IL36G: variants seen among roughly 807,000 people sequenced by gnomAD.
IL36G encodes interleukin 36 gamma.
In IL36G, 10 loss-of-function variants were observed where a neutral mutation model predicts 13.5. The observed-to-expected ratio is 0.74, with a 90% CI of 0.46 to 1.26. The LOEUF (loss-of-function observed/expected upper bound fraction) is 1.26. Among genes scored for constraint, IL36G ranks in the 50% most tolerant of loss-of-function variants. The pLI is 0.00. For synonymous variants in IL36G, 84 were observed against 74.0 expected (o/e 1.13, Z -0.69); for missense variants, 199 against 203.0 (o/e 0.98, Z 0.12).
In IL36G at chr2:112,980,145, A is replaced by G; in HGVS notation, c.297A>G (p.Leu99=). Residue 99 remains leucine, a synonymous_variant, in exon 4 of 5, where the codon CTA becomes CTG. Coordinates refer to ENST00000259205, the MANE Select transcript of IL36G (RefSeq NM_019618.4). ...TTGGAGAACAGCCCACATTGCAGCTAAAAGTGAGTAGCTAAGAAAAATATT... is the reference window on the plus strand; with the variant it reads ...TTGGAGAACAGCCCACATTGCAGCTGAAAGTGAGTAGCTAAGAAAAATATT... ...EKVGEQPTLQ[L]KEQKIMDLYG... 1.2e-6 allele frequency: 2 copies of G among 1,611,740 alleles called. No homozygotes were observed. The highest frequency in any genetic ancestry group is 1.7e-6 in the Non-Finnish European group (2 of 1,179,230).
chr2:112,979,158 TG>T, intron 2 of IL36G, 62 bp from the exon 3 acceptor site: 1 of 1,089,588 alleles, frequency 9.2e-7, no homozygotes, highest in Non-Finnish European at 1.4e-6. Flanking sequence ...ACTTTTCTCC[TG>T]GGTCTAGTAA....
At chr2:112,979,858 T>A (rs910522390) in intron 3 of IL36G, 151 bp from the exon 4 acceptor site, 2 of 630,884 alleles carry the variant, frequency 3.2e-6, no homozygotes, top group Admixed American at 5.8e-5. Flanking sequence ...AATGAATGAA[T>A]GAATATGGGG....
At chr2:112,984,643 G>T (rs1044101396) in intron 4 of IL36G, among the ~76,000 whole-genome samples, 197 bp from the exon 5 acceptor site, 7 of 152,200 alleles carry the variant, frequency 4.6e-5, no homozygotes, top group African/African-American at 1.7e-4. Context: ...CTGGATTTGA[G>T]GGTGGGGGCT....
intron 4 of IL36G, chr2:112,981,229 A>G (rs1684255895): frequency 7.2e-7 from 1 of 1,382,248 alleles, no homozygotes; most frequent in Non-Finnish European, 1.0e-6. Context: ...TATTTTCTGC[A>G]GAGTTATTCC....
chr2:112,985,144 G>C lies in IL36G; in HGVS notation c.*95G>C. On this transcript the variant is annotated 3_prime_UTR_variant, in exon 5 of 5. Coordinates refer to ENST00000259205, the MANE Select transcript of IL36G (RefSeq NM_019618.4). ...TTTTCTTAGTGTCATTTTCACGCTG[G>C]TGCTGAGACAGGGGCAAGGCTGCTG... is the stretch of plus-strand genomic sequence containing the variant. 1 of 841,906 alleles carries C rather than the reference G, an allele frequency of 1.2e-6. No homozygotes were observed. Among genetic ancestry groups the C allele is most frequent in the African/African-American group, 1.7e-5 (1 of 58,834 alleles). 52.2% of individuals were successfully genotyped at this position (841,906 alleles called of 1,614,324 possible).
intron 4 of IL36G, among the ~76,000 whole-genome samples, chr2:112,984,264 G>A (rs1167706708): frequency 1.3e-5 from 2 of 152,146 alleles, no homozygotes; most frequent in African/African-American, 2.4e-5. Flanking sequence ...CAAATATATA[G>A]ACATACAGAA....
At chr2:112,982,543 A>G (rs1684282229) in intron 4 of IL36G, among the ~76,000 whole-genome samples, 1 of 152,120 alleles carries the variant, frequency 6.6e-6, no homozygotes, top group Non-Finnish European at 1.5e-5. Flanking sequence ...GGAGACTTTG[A>G]GGTGGTCTAG....
intron 4 of IL36G, chr2:112,981,500 C>T: frequency 1.8e-6 from 1 of 568,220 alleles, no homozygotes; most frequent in Non-Finnish European, 3.1e-6. Flanking sequence ...GGGTTTTGGT[C>T]AGTCTGGGGG....
In IL36G at chr2:112,979,241, A is replaced by T; in HGVS notation, c.76A>T (p.Thr26Ser). 1 of 1,607,884 alleles carries T rather than the reference A, an allele frequency of 6.2e-7. No individual in the cohort carries two copies. Among genetic ancestry groups the T allele is most frequent in the Non-Finnish European group, 8.5e-7 (1 of 1,174,322 alleles). ...ATCAGTGTGTAAACCTATTACTGGG[A>T]CTATTAATGATTTGAATCAGCAAGT... Reference protein sequence around the residue: ...YQSMCKPITGTINDLNQQVWT... With the variant: ...YQSMCKPITGSINDLNQQVWT... The change falls in exon 3 of 5, where the codon ACT becomes TCT. Residue 26 changes from threonine (T) to serine (S), a missense_variant. By Grantham distance (58) the Thr-to-Ser change is moderately conservative. Transcript: ENST00000259205.
At chr2:112,980,184 C>A in intron 4 of IL36G, 36 bp downstream of exon 4, 2 of 1,586,246 alleles carry the variant, frequency 1.3e-6, no homozygotes, top group South Asian at 2.3e-5. Flanking sequence ...AAAGCCTTTC[C>A]TTTTAGAAGT....
chr2:112,984,895 T>C lies in IL36G; in HGVS notation c.356T>C (p.Phe119Ser), dbSNP rs1230620204. The stretch of plus-strand genomic sequence containing the variant: ...CCCGAGCCCGTGAAACCCTTCCTTT[T>C]CTACCGTGCCAAGACTGGTAGGACC... The part of the protein sequence containing the change: ...GQPEPVKPFL[F>S]YRAKTGRTST... The change falls in exon 5 of 5, where the codon TTC becomes TCC. Residue 119 changes from phenylalanine (F) to serine (S), a missense_variant. Transcript: ENST00000259205. 6.2e-7 allele frequency: 1 copy of C among 1,614,184 alleles called. No individual in the cohort carries two copies.
intron 4 of IL36G, among the ~76,000 whole-genome samples, chr2:112,980,866 TGCCAA>T (rs1684249120): frequency 1.3e-5 from 2 of 152,366 alleles, no homozygotes; most frequent in Admixed American, 1.3e-4. Context: ...AAGGCTTTTC[TGCCAA>T]GGTGGCCATG....
chr2:112,984,997 C>T lies in IL36G; in HGVS notation c.458C>T (p.Ser153Leu), dbSNP rs1464038409. The T allele has an allele frequency of 1.9e-6, 3 of 1,613,994 alleles. No individual in the cohort carries two copies. Among genetic ancestry groups the T allele is most frequent in the Non-Finnish European group, 2.5e-6 (3 of 1,180,026 alleles). Residue 153 changes from serine (S) to leucine (L), a missense_variant, in exon 5 of 5, where the codon TCA becomes TTA. By Grantham distance (145) the Ser-to-Leu change is moderately radical. Transcript: ENST00000259205. ...AGAGACCAGCCCATCATTCTGACTT[C>T]AGAACTTGGGAAGTCATACAACACT... The part of the protein sequence containing the change: ...SKRDQPIILT[S>L]ELGKSYNTAF...
intron 4 of IL36G, chr2:112,981,341 G>T: frequency 1.2e-6 from 1 of 801,556 alleles, no homozygotes; most frequent in Non-Finnish European, 2.2e-6. Flanking sequence ...TGGAGGAGCA[G>T]GTTTAGCAGA....
At chr2:112,983,427 G>A (rs1306576357) in intron 4 of IL36G, among the ~76,000 whole-genome samples, 1 of 152,128 alleles carries the variant, frequency 6.6e-6, no homozygotes. Flanking sequence ...AATAACTCAG[G>A]AATATGATCG....
At position 112,985,582 on chromosome 2, in the gene IL36G, T is replaced by C. The variant is rs1336297306; in HGVS notation, c.*533T>C. 1.3e-5 allele frequency: 2 copies of C among 152,808 alleles called. No homozygotes were observed. The highest frequency in any genetic ancestry group is 2.4e-5 in the African/African-American group (1 of 41,464). 9.5% of individuals were successfully genotyped at this position (152,808 alleles called of 1,614,324 possible). On this transcript the variant is annotated 3_prime_UTR_variant, in exon 5 of 5. Transcript: ENST00000259205. ...TTAAGTTAAATCATTTTTGTCCTAATTGTAATGTGTAATCTTAAAGTTAAA... is the reference window on the plus strand; with the variant it reads ...TTAAGTTAAATCATTTTTGTCCTAACTGTAATGTGTAATCTTAAAGTTAAA...
intron 4 of IL36G, among the ~76,000 whole-genome samples, chr2:112,984,198 A>G (rs181229056): frequency 6.6e-6 from 1 of 152,374 alleles, no homozygotes; most frequent in Admixed American, 6.5e-5. Flanking sequence ...GATCTTGAAC[A>G]CTTGCAATTT....
At chr2:112,982,772 T>G (rs975004222) in intron 4 of IL36G, among the ~76,000 whole-genome samples, 11 of 152,166 alleles carry the variant, frequency 7.2e-5, no homozygotes, top group Admixed American at 7.2e-4. Flanking sequence ...TGGCAATGTG[T>G]GGGTCTTTGG....
At position 112,979,343 on chromosome 2, in the gene IL36G, G is replaced by A; in HGVS notation, c.160+18G>A. ...GACCCCAGGTGAGTGGTCACCCTGTGCCTTCCCCACTGTTTGCACTGCTGT... is the reference window on the plus strand; with the variant it reads ...GACCCCAGGTGAGTGGTCACCCTGTACCTTCCCCACTGTTTGCACTGCTGT... On this transcript the variant is annotated intron_variant, in intron 3 of 4. Coordinates refer to ENST00000259205, the MANE Select transcript of IL36G (RefSeq NM_019618.4). 2 of 1,443,286 alleles carry A rather than the reference G, an allele frequency of 1.4e-6. No individual in the cohort carries two copies. The highest frequency in any genetic ancestry group is 9.8e-7 in the Non-Finnish European group (1 of 1,024,818). The allele number at this position is 1,443,286 out of a possible 1,614,324, so 89.4% of individuals were successfully genotyped here.
Sources: gnomAD v4.1 joint callset for allele counts (sites outside exome capture counted in the v4.1 genomes callset) on GRCh38, gnomAD v4.1.1 for gene constraint, MANE v1.5 for transcripts, NCBI Gene and HGNC (gene_info 2026-07-23, HGNC 2026-07-21) for gene names.